KCNK10: variants seen among roughly 807,000 people sequenced by gnomAD.
The protein encoded by KCNK10 is potassium two pore domain channel subfamily K member 10, also known as potassium channel subfamily K member 10.
Under a neutral mutation model 47.7 loss-of-function variants are expected in KCNK10, and 25 were observed. The ratio of observed to expected loss-of-function variants is 0.52; its 90% CI spans 0.38 to 0.73. The LOEUF (loss-of-function observed/expected upper bound fraction) is 0.73, where lower values mean the gene tolerates loss of function less well. Ranked by LOEUF, KCNK10 falls within the 30% of genes least tolerant of loss-of-function variation. KCNK10 has a pLI of 0.00. For synonymous variants in KCNK10, 303 were observed against 285.6 expected (o/e 1.06, Z -0.61); for missense variants, 563 against 714.5 (o/e 0.79, Z 2.42).
intron 5 of KCNK10, 58 bp downstream of exon 5, chr14:88,192,166 G>A: frequency 6.7e-7 from 1 of 1,492,246 alleles, no homozygotes; most frequent in Non-Finnish European, 9.1e-7. Context: ...GAAAAGCACA[G>A]CCAACAGATT....
intron 2 of KCNK10, among the ~76,000 whole-genome samples, chr14:88,242,078 T>C (rs1841127052): frequency 6.6e-6 from 1 of 152,194 alleles, no homozygotes; most frequent in Non-Finnish European, 1.5e-5. Context: ...GACTCTCTGT[T>C]CCTTGGGCAA....
rs35179933 is a variant in KCNK10, at chr14:88,322,408, GACACACACACACACAC to G, written c.52+323_52+338del. Among the ~76,000 whole-genome samples, 27 of 150,034 alleles carry G rather than the reference GACACACACACACACAC, an allele frequency of 1.8e-4. No homozygotes were observed. The highest frequency in any genetic ancestry group is 6.4e-4 in the African/African-American group (26 of 40,658). On this transcript the variant is annotated intron_variant, in intron 1 of 6. Transcript: ENST00000319231. The surrounding 1 kb of genome is among the most constrained non-coding windows in gnomAD (Gnocchi z 4.8). The stretch of plus-strand genomic sequence containing the variant: ...GAGACAAAGATCACCAGAAACAAAG[GACACACACACACACAC>G]ACACACACACACACACTCGCACACT...
chr14:88,238,126 AC>A lies in KCNK10; in HGVS notation c.520+2576del, dbSNP rs1886348387. ...TTTTATGTTATCAAAAGGTCTTCTT[AC>A]CTTAAATGTCATAAACCAACCTCTG... On this transcript the variant is annotated intron_variant, in intron 3 of 6. Coordinates refer to ENST00000319231, the MANE Select transcript of KCNK10 (RefSeq NM_138317.3). Among the ~76,000 whole-genome samples the A allele has an allele frequency of 8.5e-5, 13 of 152,320 alleles. No homozygotes were observed. The South Asian group carries it at 2.7e-3, about 32-fold the overall frequency.
At chr14:88,310,155 C>CTCATATACCATATCACATGGTATA (rs1888283947) in intron 1 of KCNK10, among the ~76,000 whole-genome samples, 1 of 23,994 alleles carries the variant, frequency 4.2e-5, no homozygotes, top group Non-Finnish European at 8.0e-5. Context: ...CCATATCTCT[C>CTCATATACCATATCACATGGTATA]TCATATACCA....
At chr14:88,316,387 T>A (rs1595135443) in intron 1 of KCNK10, among the ~76,000 whole-genome samples, 1 of 151,914 alleles carries the variant, frequency 6.6e-6, no homozygotes, top group Non-Finnish European at 1.5e-5. Context: ...AAATATGAGG[T>A]CTTTATTTCC....
chr14:88,251,097 G>A (rs1256884188), intron 2 of KCNK10, among the ~76,000 whole-genome samples: 1 of 151,936 alleles, frequency 6.6e-6, no homozygotes, highest in Middle Eastern at 3.2e-3. Flanking sequence ...GCTGGGCGTG[G>A]TGGTGCACAC....
At chr14:88,200,760 C>T (rs1213069608) in intron 4 of KCNK10, among the ~76,000 whole-genome samples, 2 of 152,276 alleles carry the variant, frequency 1.3e-5, no homozygotes, top group African/African-American at 2.4e-5. Context: ...AGATATTGAG[C>T]TAACTTCACC....
intron 4 of KCNK10, among the ~76,000 whole-genome samples, chr14:88,203,174 C>T (rs1172868834): frequency 6.6e-6 from 1 of 152,172 alleles, no homozygotes; most frequent in Non-Finnish European, 1.5e-5. Context: ...CTTGCAGCAG[C>T]ATCCAGGGGC....
chr14:88,279,700 C>T (rs924174551), intron 1 of KCNK10, among the ~76,000 whole-genome samples: 1 of 152,110 alleles, frequency 6.6e-6, no homozygotes, highest in African/African-American at 2.4e-5. Flanking sequence ...CCCTACCCAA[C>T]ATAATTGGCC....
intron 1 of KCNK10, among the ~76,000 whole-genome samples, chr14:88,315,512 C>T (rs545956264): frequency 6.6e-6 from 1 of 152,230 alleles, no homozygotes; most frequent in Non-Finnish European, 1.5e-5. Flanking sequence ...GCCTGTCAGG[C>T]TCATATCACA....
At chr14:88,266,676 C>A (rs989643655) in intron 1 of KCNK10, among the ~76,000 whole-genome samples, 4 of 152,134 alleles carry the variant, frequency 2.6e-5, no homozygotes, top group African/African-American at 9.7e-5. Flanking sequence ...GCTGAATGGG[C>A]ACAAAGGGGT....
chr14:88,307,160 T>C (rs932267167), intron 1 of KCNK10, among the ~76,000 whole-genome samples: 2 of 152,196 alleles, frequency 1.3e-5, no homozygotes, highest in African/African-American at 4.8e-5. Flanking sequence ...GCTTTCAAGA[T>C]GGGTGGCCAT....
intron 1 of KCNK10, among the ~76,000 whole-genome samples, chr14:88,310,114 A>G (rs1888281283): frequency 6.7e-6 from 1 of 149,520 alleles, no homozygotes; most frequent in South Asian, 2.1e-4. Context: ...TCGCATGTTA[A>G]CAAGATGTGT....
chr14:88,202,791 G>C (rs187548216), intron 4 of KCNK10, among the ~76,000 whole-genome samples: 27 of 152,172 alleles, frequency 1.8e-4, no homozygotes, highest in Non-Finnish European at 3.1e-4. Flanking sequence ...TTCCGGTTGC[G>C]GGGGGTGGGT....
At chr14:88,297,007 A>C (rs1346252360) in intron 1 of KCNK10, among the ~76,000 whole-genome samples, 1 of 152,250 alleles carries the variant, frequency 6.6e-6, no homozygotes, top group Non-Finnish European at 1.5e-5. Context: ...AGAAGGGTAA[A>C]TAATTCAAAA....
intron 1 of KCNK10, among the ~76,000 whole-genome samples, chr14:88,291,843 T>C (rs1887886316): frequency 1.3e-5 from 2 of 152,140 alleles, no homozygotes; most frequent in Non-Finnish European, 2.9e-5. Context: ...CAAAGATGCC[T>C]AATGGTTTCT....
chr14:88,298,358 G>A (rs1169543994), intron 1 of KCNK10, among the ~76,000 whole-genome samples: 4 of 152,164 alleles, frequency 2.6e-5, no homozygotes, highest in African/African-American at 9.7e-5. Flanking sequence ...CTACAGTGTG[G>A]ACTGCCTCTG....
At chr14:88,256,935 CG>C (rs1051833468) in intron 2 of KCNK10, among the ~76,000 whole-genome samples, 3 of 152,088 alleles carry the variant, frequency 2.0e-5, no homozygotes, top group African/African-American at 7.2e-5. Flanking sequence ...GCAGTGAGGC[CG>C]GGGCAACATG....
At chr14:88,316,176 A>G (rs1180805310) in intron 1 of KCNK10, among the ~76,000 whole-genome samples, 1 of 152,074 alleles carries the variant, frequency 6.6e-6, no homozygotes. Context: ...ATGGCAAAGG[A>G]AAAGAATGCA....
Sources: gnomAD v4.1 joint callset for allele counts (sites outside exome capture counted in the v4.1 genomes callset) on GRCh38, gnomAD v4.1.1 for gene constraint, Gnocchi (gnomAD v3.1) non-coding constraint, MANE v1.5 for transcripts, NCBI Gene and HGNC (gene_info 2026-07-23, HGNC 2026-07-21) for gene names.